The following RMP64 variants were observed in gnomAD, a reference collection of about 807,000 sequenced individuals.
RMP64 encodes the protein nucleolus and neural progenitor protein.
the RMP64 span, chr3:113,010,556 G>T: frequency 1.8e-6 from 2 of 1,097,662 alleles, no homozygotes; most frequent in Admixed American, 3.7e-5. Context: ...GGGATAAAAT[G>T]AAAAGATTCA....
At chr3:113,008,510 A>G in the RMP64 span, 5 of 1,238,274 alleles carry the variant, frequency 4.0e-6, no homozygotes, top group Non-Finnish European at 5.7e-6. Context: ...AAGCTAGCTC[A>G]CAATCAAAAT....
the RMP64 span, chr3:113,008,480 T>A: frequency 6.8e-7 from 1 of 1,473,880 alleles, no homozygotes; most frequent in Non-Finnish European, 9.4e-7. Flanking sequence ...TACTGACTTG[T>A]AATTATATGA....
At chr3:113,013,163 T>C in the RMP64 span, 1 of 1,208,998 alleles carries the variant, frequency 8.3e-7, no homozygotes, top group Non-Finnish European at 1.2e-6. Context: ...TAAGAATTCC[T>C]GTAGGTTGTA....
the RMP64 span, chr3:113,012,700 A>C: frequency 8.4e-7 from 1 of 1,194,146 alleles, no homozygotes. Flanking sequence ...AGGAGATGAG[A>C]AAGAAATGAA....
At chr3:113,006,380 C>A in the RMP64 span, among the ~76,000 whole-genome samples, 3 of 152,110 alleles carry the variant, frequency 2.0e-5, no homozygotes, top group Non-Finnish European at 4.4e-5. Flanking sequence ...TCTGCCAGTA[C>A]GTATTAATCC....
the RMP64 span, among the ~76,000 whole-genome samples, chr3:113,016,987 T>C: frequency 6.6e-6 from 1 of 152,246 alleles, no homozygotes; most frequent in African/African-American, 2.4e-5. Context: ...CAACTTGCTA[T>C]GTACCCATTT....
chr3:113,008,689 G>T, the RMP64 span: 1 of 307,066 alleles, frequency 3.3e-6, no homozygotes, highest in Non-Finnish European at 6.0e-6. Flanking sequence ...CAGTCTGTAA[G>T]GAAATTTTTT....
chr3:113,008,387 G>T, the RMP64 span: 1 of 1,613,194 alleles, frequency 6.2e-7, no homozygotes, highest in Non-Finnish European at 8.5e-7. Context: ...ATACTTGGTT[G>T]TCTTTAGTCT....
At chr3:113,011,284 T>C in the RMP64 span, 2 of 1,613,750 alleles carry the variant, frequency 1.2e-6, no homozygotes, top group Non-Finnish European at 1.7e-6. Flanking sequence ...TTCAGTGATA[T>C]CAGAAGGAAA....
chr3:113,018,278 C>T, the RMP64 span, among the ~76,000 whole-genome samples: 2 of 152,160 alleles, frequency 1.3e-5, no homozygotes, highest in Admixed American at 1.3e-4. Flanking sequence ...TGGTTGCTAC[C>T]TAACAAGAAT....
chr3:113,019,469 C>G, the RMP64 span: 4 of 1,277,350 alleles, frequency 3.1e-6, no homozygotes, highest in Non-Finnish European at 4.5e-6. Context: ...ACCACCCCCG[C>G]CCACATGCGC....
the RMP64 span, chr3:113,013,337 C>T: frequency 3.1e-6 from 5 of 1,613,958 alleles, no homozygotes; most frequent in Non-Finnish European, 4.2e-6. Context: ...AAACCTTCAT[C>T]AACACCAACT....
At chr3:113,011,207 T>C in the RMP64 span, 3 of 1,613,068 alleles carry the variant, frequency 1.9e-6, no homozygotes, top group East Asian at 6.7e-5. Flanking sequence ...AATTTATTTA[T>C]TCCTTTAGCT....
the RMP64 span, chr3:113,010,580 G>A: frequency 7.6e-7 from 1 of 1,317,304 alleles, no homozygotes. Flanking sequence ...TCTGCCCTTG[G>A]TAAGAAGCAT....
chr3:113,018,321 G>C, the RMP64 span, among the ~76,000 whole-genome samples: 1 of 152,234 alleles, frequency 6.6e-6, no homozygotes, highest in African/African-American at 2.4e-5. Flanking sequence ...CCTGAAGACA[G>C]AATGGGCTGC....
At chr3:113,010,919 T>C in the RMP64 span, 1 of 920,450 alleles carries the variant, frequency 1.1e-6, no homozygotes, top group Non-Finnish European at 1.6e-6. Flanking sequence ...CTAATCAATA[T>C]GAGTCAAAAT....
At chr3:113,009,745 C>T in the RMP64 span, among the ~76,000 whole-genome samples, 4 of 152,158 alleles carry the variant, frequency 2.6e-5, no homozygotes, top group African/African-American at 9.7e-5. Context: ...GCCCACCTCA[C>T]AGAGCTTTTG....
chr3:113,005,435 CCT>C, the RMP64 span: 1 of 732,806 alleles, frequency 1.4e-6, no homozygotes, highest in South Asian at 1.7e-5. Context: ...TAAAGCAGCT[CCT>C]CTGTGAGTCC....
the RMP64 span, chr3:113,005,093 C>T: frequency 1.1e-5 from 2 of 179,928 alleles, no homozygotes; most frequent in Admixed American, 1.1e-4. Context: ...CAGAGGCGGA[C>T]CTATGTATAA....
Sources: allele counts gnomAD v4.1 joint callset (sites outside exome capture counted in the v4.1 genomes callset), GRCh38; gene constraint gnomAD v4.1.1; transcripts MANE v1.5; gene names NCBI Gene and HGNC (gene_info 2026-07-23, HGNC 2026-07-21).